Variants in BOP1 observed in about 807,000 individuals in gnomAD.
BOP1 encodes BOP1 ribosomal biogenesis factor, also known as ribosome biogenesis protein BOP1.
In BOP1, 54 loss-of-function variants were observed where a neutral mutation model predicts 82.9. That is an observed-to-expected ratio of 0.65 (90% CI 0.52 to 0.82). BOP1 has a LOEUF of 0.82. Among genes scored for constraint, BOP1 ranks in the 40% least tolerant of loss-of-function variants. The pLI, the probability that BOP1 is intolerant of heterozygous loss-of-function variation, is 0.00. For synonymous variants in BOP1, 566 were observed against 451.1 expected (o/e 1.25, Z -3.23); for missense variants, 1,170 against 1,072.0 (o/e 1.09, Z -1.28).
rs60868806 is a variant in BOP1 at position 144,283,201 on chromosome 8, CAAAAAAAAA to C, written c.309+5885_309+5893del. ...CGATAAGAGCAAAAAAACTCCATCTCAAAAAAAAAAAAAAAAAAAAAAAAGAAAGGCTCC... is the reference window on the plus strand; with the variant it reads ...CGATAAGAGCAAAAAAACTCCATCTCAAAAAAAAAAAAAAAGAAAGGCTCC... On this transcript the variant is annotated intron_variant, in intron 2 of 15. Transcript: ENST00000569669. 3.3e-4 allele frequency among the ~76,000 whole-genome samples: 18 copies of C among 54,332 alleles called. 1 individual carries two copies. The highest frequency in any genetic ancestry group is 1.9e-3 in the African/African-American group (14 of 7,358). 35.6% of individuals were successfully genotyped at this position (54,332 alleles called of 152,430 possible).
intron 3 of BOP1, chr8:144,266,710 T>C: frequency 8.3e-7 from 1 of 1,203,822 alleles, no homozygotes; most frequent in Non-Finnish European, 1.1e-6. Flanking sequence ...CAGCGACAGC[T>C]CGGGCTCCGA....
At chr8:144,268,522 C>T in intron 3 of BOP1, 1 of 294,628 alleles carries the variant, frequency 3.4e-6, no homozygotes, top group East Asian at 8.8e-5. Context: ...CAGAATCCAC[C>T]CCCAGCCCCC....
chr8:144,281,114 T>C (rs1270431503), intron 2 of BOP1, among the ~76,000 whole-genome samples: 150 of 124,584 alleles, frequency 1.2e-3, no homozygotes, highest in African/African-American at 1.2e-3. Context: ...TTCGGCCTTC[T>C]CTCAGTTTAA....
At chr8:144,277,618 G>A (rs1294519912) in intron 2 of BOP1, among the ~76,000 whole-genome samples, 5 of 152,262 alleles carry the variant, frequency 3.3e-5, no homozygotes, top group Admixed American at 2.0e-4. Context: ...TCTGTGCCCC[G>A]TGGCCCCTGT....
Position 144,262,921 on chromosome 8 carries a change from C to T in BOP1, c.1826G>A (p.Arg609His), listed in dbSNP as rs1180137340. 9 of 1,549,638 alleles carry T rather than the reference C, an allele frequency of 5.8e-6. No homozygotes were observed. The highest frequency in any genetic ancestry group is 2.3e-5 in the East Asian group (1 of 42,614). The part of the protein sequence containing the change: ...QRSVRLYHLL[R>H]QELTKKLMPN... ...CATCAGCTTCTTGGTGAGCTCCTGG[C>T]GCAGCAGGTGGTAGAGGCGGACGCT... The change falls in exon 13 of 16, where the codon CGC (arginine) becomes CAC (histidine). Residue 609 changes from arginine (R) to histidine (H), a missense_variant. Transcript: ENST00000569669.
chr8:144,271,567 C>T (rs1554837805), intron 3 of BOP1, among the ~76,000 whole-genome samples: 1 of 152,214 alleles, frequency 6.6e-6, no homozygotes, highest in Non-Finnish European at 1.5e-5. Context: ...AGGCCGCCTC[C>T]TCTTCCTCAG....
chr8:144,289,722 C>T (rs549104066), intron 1 of BOP1, among the ~76,000 whole-genome samples: 2 of 152,292 alleles, frequency 1.3e-5, no homozygotes, highest in East Asian at 3.9e-4. Context: ...CTCCACACCT[C>T]ACCCTGGCAT....
intron 13 of BOP1, 35 bp from the exon 14 acceptor site, chr8:144,262,707 T>C (rs1175137578): frequency 1.2e-6 from 2 of 1,603,208 alleles, no homozygotes; most frequent in East Asian, 2.2e-5. Context: ...GTGTTCCCGC[T>C]CTCACCTGCA....
chr8:144,271,218 C>T lies in BOP1; in HGVS notation c.390+5006G>A, dbSNP rs955079256. On this transcript the variant is annotated intron_variant, in intron 3 of 15. Transcript: ENST00000569669. ...GCTGATGTGTCGGCTGGGATTTTTCCGCTCTCGATGAGCCCCCTTCCCTCC... is the reference window on the plus strand; with the variant it reads ...GCTGATGTGTCGGCTGGGATTTTTCTGCTCTCGATGAGCCCCCTTCCCTCC... Among the ~76,000 whole-genome samples, 8 of 152,212 alleles carry T rather than the reference C, an allele frequency of 5.3e-5. No homozygotes were observed. In the East Asian group the frequency reaches 9.7e-4, roughly 19 times the overall value.
chr8:144,267,025 G>T, intron 3 of BOP1: 1 of 1,522,396 alleles, frequency 6.6e-7, no homozygotes, highest in Non-Finnish European at 8.8e-7. Context: ...CGAGGCCTGC[G>T]GCGACGGACA....
intron 3 of BOP1, chr8:144,266,187 T>A (rs1470215409): frequency 6.6e-6 from 1 of 152,204 alleles, no homozygotes; most frequent in East Asian, 1.9e-4. Context: ...GTTCCTCCCC[T>A]CTCCCGGGGA....
At chr8:144,282,053 C>T (rs1324831782) in intron 2 of BOP1, 13 of 152,212 alleles carry the variant, frequency 8.5e-5, no homozygotes, top group Admixed American at 8.5e-4. Context: ...GCGCACGGAC[C>T]CCACAGATCC....
intron 2 of BOP1, among the ~76,000 whole-genome samples, chr8:144,278,611 G>A (rs2130245534): frequency 6.6e-6 from 1 of 152,314 alleles, no homozygotes; most frequent in Middle Eastern, 3.4e-3. Flanking sequence ...CTGGAGACGT[G>A]GACAGCAGGA....
At chr8:144,262,369 A>G in intron 15 of BOP1, 27 bp downstream of exon 15, 1 of 1,612,432 alleles carries the variant, frequency 6.2e-7, no homozygotes, top group Non-Finnish European at 8.5e-7. Context: ...TGCCCTGGGG[A>G]GGGGGCCAGG....
chr8:144,264,524 C>T lies in BOP1; in HGVS notation c.756G>A (p.Glu252=). Residue 252 remains glutamate, a synonymous_variant, in exon 6 of 16, where the codon GAG becomes GAA. Transcript: ENST00000569669. ...DKRSFIPSLV[E]KEKVSRMVHA... Reference sequence around the variant, plus strand: ...GGGCTGTGTGCCCCACCTTCTCCTTCTCCACCAGGGAGGGGATGAAGCTGC... The same window carrying T: ...GGGCTGTGTGCCCCACCTTCTCCTTTTCCACCAGGGAGGGGATGAAGCTGC... 1.2e-6 allele frequency: 2 copies of T among 1,610,184 alleles called. No homozygotes were observed. The highest frequency in any genetic ancestry group is 1.7e-6 in the Non-Finnish European group (2 of 1,179,020).
At position 144,265,063 on chromosome 8, in the gene BOP1, C is replaced by A. The variant is rs1803571086; in HGVS notation, c.399G>T (p.Arg133=). The A allele has an allele frequency of 6.2e-7, 1 of 1,609,760 alleles. No homozygotes were observed. The highest frequency in any genetic ancestry group is 8.5e-7 in the Non-Finnish European group (1 of 1,178,150). The change falls in exon 4 of 16, where the codon CGG becomes CGT. Residue 133 remains arginine, a synonymous_variant. Coordinates refer to ENST00000569669, the MANE Select transcript of BOP1 (RefSeq NM_015201.5). ...AEDSSDEEDI[R]NTVGNVPLEW... ...CCAAGGGCACGTTGCCCACCGTGTT[C>A]CGGATGTCCTGCAGCCGGGGGCCAC...
At position 144,262,694 on chromosome 8, in the gene BOP1, C is replaced by G. The variant is rs915513199; in HGVS notation, c.1895-22G>C. On this transcript the variant is annotated intron_variant, in intron 13 of 15. Transcript: ENST00000569669. The stretch of plus-strand genomic sequence containing the variant: ...TCACCTAGGGCCAAAGGCTGTGATG[C>G]AGGTGTTCCCGCTCTCACCTGCAGG... The G allele has an allele frequency of 8.7e-6, 14 of 1,612,312 alleles. No homozygotes were observed. The African/African-American group carries it at 1.7e-4, about 20-fold the overall frequency.
intron 3 of BOP1, among the ~76,000 whole-genome samples, chr8:144,271,085 C>T (rs1444897630): frequency 2.0e-5 from 3 of 151,916 alleles, no homozygotes; most frequent in Admixed American, 1.3e-4. Context: ...GAGCCCCGGC[C>T]GGCCGGCCGG....
intron 2 of BOP1, among the ~76,000 whole-genome samples, chr8:144,286,263 C>A (rs548079925): frequency 1.3e-5 from 2 of 152,382 alleles, no homozygotes; most frequent in African/African-American, 4.8e-5. Context: ...CACTTTAGAA[C>A]TGAAAACACC....
Sources: allele counts gnomAD v4.1 joint callset (sites outside exome capture counted in the v4.1 genomes callset), GRCh38; gene constraint gnomAD v4.1.1; transcripts MANE v1.5; gene names NCBI Gene and HGNC (gene_info 2026-07-23, HGNC 2026-07-21).